The following SLC7A7 variants were observed in gnomAD, a reference collection of about 807,000 sequenced individuals.
The protein encoded by SLC7A7 is Y+L amino acid transporter 1.
SLC7A7 carries 39 observed loss-of-function variants against 47.9 expected under a neutral mutation model. That is an observed-to-expected ratio of 0.81 (90% confidence interval 0.63 to 1.06). SLC7A7 has a LOEUF of 1.06. Among genes scored for constraint, SLC7A7 ranks in the 50% least tolerant of loss-of-function variants. The pLI is 0.00. For synonymous variants in SLC7A7, 234 were observed against 242.8 expected, an observed-to-expected ratio of 0.96 and a Z score of 0.34; for missense variants, 588 against 632.0, an observed-to-expected ratio of 0.93 and a Z score of 0.75.
rs1382272601 is a variant in SLC7A7 at position 22,778,783 on chromosome 14, C to T, written c.770+10G>A. 5 of 1,613,526 alleles carry T rather than the reference C, an allele frequency of 3.1e-6. No homozygotes were observed. In the South Asian group the frequency reaches 5.5e-5, roughly 18 times the overall value. Reference sequence around the variant, plus strand: ...TCACTGCTATGGAAAGTTGGTGGTGCAGTACCTACCTCTCAGGATTCTTGA... The same window carrying T: ...TCACTGCTATGGAAAGTTGGTGGTGTAGTACCTACCTCTCAGGATTCTTGA... On this transcript the variant is annotated intron_variant, in intron 4 of 9. Coordinates refer to ENST00000674313, the MANE Select transcript of SLC7A7 (RefSeq NM_003982.4).
At chr14:22,775,702 T>C (rs904360687) in intron 6 of SLC7A7, 131 bp downstream of exon 6, 1 of 926,922 alleles carries the variant, frequency 1.1e-6, no homozygotes, top group East Asian at 2.4e-5. Flanking sequence ...TGCAGGCTTC[T>C]GCTAGAAACA....
At chr14:22,818,366 C>A (rs1245784302), upstream of SLC7A7, among the ~76,000 whole-genome samples, 1 of 152,068 alleles carries the variant, frequency 6.6e-6, no homozygotes, top group East Asian at 1.9e-4. Context: ...GCAAGGGAGG[C>A]TGCCATGCAT....
chr14:22,777,169 A>G (rs1177160528), intron 4 of SLC7A7, among the ~76,000 whole-genome samples: 1 of 144,304 alleles, frequency 6.9e-6, no homozygotes, highest in Non-Finnish European at 1.5e-5. Context: ...AAAAAAAAGC[A>G]GGGCGGGGGG....
intron 2 of SLC7A7, among the ~76,000 whole-genome samples, chr14:22,796,736 C>T (rs763196395): frequency 2.0e-5 from 3 of 152,106 alleles, no homozygotes; most frequent in African/African-American, 4.8e-5. Flanking sequence ...CAGTCATGTC[C>T]ACCTGTGAAC....
chr14:22,773,874 GA>G, intron 9 of SLC7A7, 58 bp downstream of exon 9: 1 of 1,608,078 alleles, frequency 6.2e-7, no homozygotes, highest in Non-Finnish European at 8.5e-7. Flanking sequence ...TGGATTTACA[GA>G]AAAAGGCAAA....
chr14:22,783,417 T>TA (rs199519380), intron 2 of SLC7A7, among the ~76,000 whole-genome samples: 19,073 of 150,220 alleles, frequency 0.13, 1,511 homozygotes, highest in Non-Finnish European at 0.18. Context: ...TTTTTTTTTT[T>TA]TTCGAGACAG....
intron 2 of SLC7A7, among the ~76,000 whole-genome samples, chr14:22,798,977 G>C (rs1202036252): frequency 6.6e-6 from 1 of 152,170 alleles, no homozygotes; most frequent in Non-Finnish European, 1.5e-5. Context: ...TGAGGGCAGA[G>C]AGTGGATAAC....
chr14:22,782,469 A>ATTTAT (rs1566445214), intron 2 of SLC7A7, among the ~76,000 whole-genome samples: 127 of 142,634 alleles, frequency 8.9e-4, no homozygotes, highest in African/African-American at 3.2e-3. Context: ...TATTTATTTT[A>ATTTAT]TTTATTTTTT....
intron 2 of SLC7A7, among the ~76,000 whole-genome samples, chr14:22,792,380 T>C (rs567803140): frequency 4.5e-4 from 69 of 151,872 alleles, no homozygotes; most frequent in Non-Finnish European, 3.7e-4. Flanking sequence ...CTGGGCAGCA[T>C]AGCAAGACCC....
upstream of SLC7A7, among the ~76,000 whole-genome samples, chr14:22,819,210 A>T (rs1309751228): frequency 6.6e-6 from 1 of 151,954 alleles, no homozygotes; most frequent in Non-Finnish European, 1.5e-5. Flanking sequence ...ATAAGAACAC[A>T]CTTTCTCTCC....
intron 2 of SLC7A7, among the ~76,000 whole-genome samples, chr14:22,786,395 T>G (rs895211249): frequency 6.6e-6 from 1 of 152,144 alleles, no homozygotes; most frequent in African/African-American, 2.4e-5. Context: ...TTACAACCCC[T>G]TGTGGAGCAA....
At chr14:22,783,818 TG>T (rs1162616395) in intron 2 of SLC7A7, among the ~76,000 whole-genome samples, 12 of 152,224 alleles carry the variant, frequency 7.9e-5, no homozygotes, top group Non-Finnish European at 1.6e-4. Flanking sequence ...AGCCCTGATC[TG>T]CTCTCTGTAC....
chr14:22,813,165 G>A lies in SLC7A7; in HGVS notation c.234C>T (p.Val78=), dbSNP rs139776370. The A allele has an allele frequency of 7.8e-4, 1,255 of 1,614,160 alleles. 5 individuals are homozygous for A. The highest frequency in any genetic ancestry group is 2.7e-3 in the South Asian group (246 of 91,084). ...CCCCAAAGACGGAGAAGAGGCCCCC[G>A]ACAGCCCAGATGACCAGAGAGAGAC... ...SFGLSLVIWA[V]GGLFSVFGAL... The change falls in exon 2 of 10, where the codon GTC becomes GTT. Residue 78 remains valine (V), a synonymous_variant. Coordinates refer to ENST00000674313, the MANE Select transcript of SLC7A7 (RefSeq NM_003982.4).
At position 22,779,988 on chromosome 14, in the gene SLC7A7, G is replaced by A. The variant is rs386833819; in HGVS notation, c.563C>T (p.Thr188Ile). ...GATCAGTGCCAATACTTTAGCATAGGTGAAAATATCTTGTACCAGGGTTCC... is the reference window on the plus strand; with the variant it reads ...GATCAGTGCCAATACTTTAGCATAGATGAAAATATCTTGTACCAGGGTTCC... ...KWGTLVQDIF[T>I]YAKVLALIAV... Residue 188 changes from threonine to isoleucine, a missense_variant, in exon 3 of 10, where the codon ACC becomes ATC. By Grantham distance (89) the Thr-to-Ile change is moderately conservative. Coordinates refer to ENST00000674313, the MANE Select transcript of SLC7A7 (RefSeq NM_003982.4). The A allele has an allele frequency of 6.2e-7, 1 of 1,614,084 alleles. No individual in the cohort carries two copies. The highest frequency in any genetic ancestry group is 8.5e-7 in the Non-Finnish European group (1 of 1,180,012).
At chr14:22,800,322 A>G (rs2039090329) in intron 2 of SLC7A7, among the ~76,000 whole-genome samples, 1 of 152,192 alleles carries the variant, frequency 6.6e-6, no homozygotes, top group Non-Finnish European at 1.5e-5. Flanking sequence ...ATATGCCTCA[A>G]CGTCTCCCAT....
chr14:22,790,930 G>A (rs1222740874), intron 2 of SLC7A7, among the ~76,000 whole-genome samples: 3 of 151,404 alleles, frequency 2.0e-5, no homozygotes, highest in Middle Eastern at 3.2e-3. Flanking sequence ...CCCAGGAGGC[G>A]GAGGTTGCAG....
chr14:22,776,993 A>AC (rs397747537), intron 4 of SLC7A7, among the ~76,000 whole-genome samples: 1 of 150,444 alleles, frequency 6.6e-6, no homozygotes, highest in Non-Finnish European at 1.5e-5. Context: ...AAAAAAAAAA[A>AC]TTAGCCAAGC....
In SLC7A7 at chr14:22,813,158, G is replaced by A. The variant is rs371860097; in HGVS notation, c.241C>T (p.Leu81Phe). Residue 81 changes from leucine (L) to phenylalanine (F), a missense_variant, in exon 2 of 10, where the codon CTC becomes TTC. Physicochemically the swap from Leu to Phe is conservative, Grantham distance 22. Coordinates refer to ENST00000674313, the MANE Select transcript of SLC7A7 (RefSeq NM_003982.4). ...CAAAGGGCCCCAAAGACGGAGAAGA[G>A]GCCCCCGACAGCCCAGATGACCAGA... ...LSLVIWAVGG[L>F]FSVFGALCYA... is the part of the protein sequence containing the mutation. 4.5e-5 allele frequency: 73 copies of A among 1,614,060 alleles called. No homozygotes were observed. The highest frequency in any genetic ancestry group is 1.7e-4 in the Admixed American group (10 of 60,002).
chr14:22,797,754 T>TA (rs531308469), intron 2 of SLC7A7, among the ~76,000 whole-genome samples: 1 of 152,076 alleles, frequency 6.6e-6, no homozygotes, highest in Non-Finnish European at 1.5e-5. Flanking sequence ...ACCACCCGTA[T>TA]AAAAAAACCT....
Sources: allele counts gnomAD v4.1 joint callset (sites outside exome capture counted in the v4.1 genomes callset), GRCh38; gene constraint gnomAD v4.1.1; transcripts MANE v1.5; gene names NCBI Gene and HGNC (gene_info 2026-07-23, HGNC 2026-07-21).